PDE1A: variants seen among roughly 807,000 people sequenced by gnomAD.
The protein encoded by PDE1A is phosphodiesterase 1A, also known as dual specificity calcium/calmodulin-dependent 3',5'-cyclic nucleotide phosphodiesterase 1A.
In PDE1A, 35 loss-of-function variants were observed where a neutral mutation model predicts 61.7. The ratio of observed to expected loss-of-function variants is 0.57; its 90% CI spans 0.43 to 0.75. PDE1A has a LOEUF of 0.75. PDE1A is among the 30% of genes least tolerant of loss of function. The pLI, the probability that PDE1A is intolerant of heterozygous loss-of-function variation, is 0.00. For synonymous variants in PDE1A, 232 were observed against 213.2 expected, an observed-to-expected ratio of 1.09 and a Z score of -0.77; for missense variants, 597 against 630.6, an observed-to-expected ratio of 0.95 and a Z score of 0.57.
intron 2 of PDE1A, among the ~76,000 whole-genome samples, chr2:182,505,713 T>C (rs904032693): frequency 1.3e-5 from 2 of 152,176 alleles, no homozygotes; most frequent in Non-Finnish European, 2.9e-5. Flanking sequence ...CATAAGCCCT[T>C]TCTAAGCCTT....
the PDE1A span, among the ~76,000 whole-genome samples, chr2:182,559,709 T>A: frequency 6.6e-6 from 1 of 152,078 alleles, no homozygotes; most frequent in Non-Finnish European, 1.5e-5. Context: ...TCAAATAGCA[T>A]CAAACTGAAA....
At chr2:182,439,384 T>A (rs537665671) in intron 2 of PDE1A, among the ~76,000 whole-genome samples, 12 of 152,044 alleles carry the variant, frequency 7.9e-5, no homozygotes, top group Non-Finnish European at 1.3e-4. Flanking sequence ...AGAGAACATT[T>A]AGATTACAGA....
chr2:182,425,422 G>T (rs975572804), intron 1 of PDE1A, among the ~76,000 whole-genome samples: 1 of 152,040 alleles, frequency 6.6e-6, no homozygotes, highest in Non-Finnish European at 1.5e-5. Flanking sequence ...CATTGCATAA[G>T]ACACAAAAAC....
the PDE1A span, among the ~76,000 whole-genome samples, chr2:182,706,239 G>A: frequency 6.6e-6 from 1 of 152,140 alleles, no homozygotes; most frequent in Admixed American, 6.5e-5. Context: ...CTCCTTTAGG[G>A]ACAGAGAATG....
At chr2:182,604,874 T>C in the PDE1A span, among the ~76,000 whole-genome samples, 1 of 152,162 alleles carries the variant, frequency 6.6e-6, no homozygotes, top group African/African-American at 2.4e-5. Flanking sequence ...TTTAGTATTA[T>C]ACGTCAGGTA....
chr2:182,618,802 C>T, the PDE1A span, among the ~76,000 whole-genome samples: 1 of 152,048 alleles, frequency 6.6e-6, no homozygotes, highest in Non-Finnish European at 1.5e-5. Context: ...AGACTTTTAT[C>T]TTTATGTTCC....
intron 13 of PDE1A, among the ~76,000 whole-genome samples, chr2:182,184,055 A>AAAGAAAGG (rs1473528088): frequency 2.7e-5 from 4 of 149,302 alleles, no homozygotes; most frequent in Admixed American, 2.7e-4. Context: ...AGAAAGAAAG[A>AAAGAAAGG]ACAATTAAAG....
chr2:182,234,166 AAAATT>A (rs1689814008), intron 4 of PDE1A, among the ~76,000 whole-genome samples: 1 of 152,210 alleles, frequency 6.6e-6, no homozygotes, highest in African/African-American at 2.4e-5. Flanking sequence ...CCACATAAAT[AAAATT>A]AAGAAAAAAA....
At chr2:182,557,894 G>A in the PDE1A span, among the ~76,000 whole-genome samples, 1 of 152,074 alleles carries the variant, frequency 6.6e-6, no homozygotes, top group South Asian at 2.1e-4. Context: ...ACTGAAAGTA[G>A]CTGGCAGCTA....
chr2:182,525,200 A>G (rs1006872283), upstream of PDE1A, among the ~76,000 whole-genome samples: 2 of 152,176 alleles, frequency 1.3e-5, no homozygotes, highest in African/African-American at 2.4e-5. Context: ...TAATTGCTTA[A>G]TAATTATTAG....
intron 1 of PDE1A, among the ~76,000 whole-genome samples, chr2:182,274,434 CA>C (rs756868821): frequency 4.2e-4 from 64 of 151,962 alleles, no homozygotes; most frequent in Non-Finnish European, 7.9e-4. Context: ...TATCTAAAAA[CA>C]GAAATATTTC....
In PDE1A at chr2:182,516,487, C is replaced by T. The variant is rs532411090; in HGVS notation, c.101+5789G>A. Among the ~76,000 whole-genome samples the T allele has an allele frequency of 3.9e-5, 6 of 151,924 alleles. No individual in the cohort carries two copies. In the East Asian group the frequency reaches 1.2e-3, roughly 30 times the overall value. On this transcript the variant is annotated intron_variant, in intron 2 of 14. Transcript: ENST00000410103. ...GCAACATGGCAAAAACCCATCTCTACTAGATCTATAAAAAAATTAGCCAGG... is the reference window on the plus strand; with the variant it reads ...GCAACATGGCAAAAACCCATCTCTATTAGATCTATAAAAAAATTAGCCAGG...
chr2:182,636,638 T>C, the PDE1A span, among the ~76,000 whole-genome samples: 1 of 152,204 alleles, frequency 6.6e-6, no homozygotes, highest in African/African-American at 2.4e-5. Context: ...CTTTCTCCCA[T>C]GTATTATAAT....
At chr2:182,356,713 G>A (rs1224013141) in intron 1 of PDE1A, among the ~76,000 whole-genome samples, 2 of 152,066 alleles carry the variant, frequency 1.3e-5, no homozygotes, top group East Asian at 1.9e-4. Context: ...CAGCCTGAAC[G>A]ATAGAGTGAG....
chr2:182,206,033 G>A, exon 8 of PDE1A: 1 of 1,611,090 alleles, frequency 6.2e-7, no homozygotes, highest in Non-Finnish European at 8.5e-7. Context: ...CTCAAGGACA[G>A]AGCGATCATT....
Position 182,464,529 on chromosome 2 carries a change from A to G in PDE1A, c.101+57747T>C, listed in dbSNP as rs564506195. 1.3e-3 allele frequency among the ~76,000 whole-genome samples: 202 copies of G among 152,286 alleles called. 1 individual carries two copies. Among genetic ancestry groups the G allele is most frequent in the African/African-American group, 4.6e-3 (193 of 41,572 alleles). Reference sequence around the variant, plus strand: ...GACTATGCATCAACCTCTTATTTCTATTCTATAGCTGATTTATTTTCTTTG... The same window carrying G: ...GACTATGCATCAACCTCTTATTTCTGTTCTATAGCTGATTTATTTTCTTTG... On this transcript the variant is annotated intron_variant, in intron 2 of 14. Coordinates refer to the PDE1A transcript ENST00000410103.
At chr2:182,593,682 T>C in the PDE1A span, among the ~76,000 whole-genome samples, 3 of 152,218 alleles carry the variant, frequency 2.0e-5, no homozygotes, top group Non-Finnish European at 4.4e-5. Context: ...ACCCCTTACA[T>C]GTTACATGAA....
intron 1 of PDE1A, among the ~76,000 whole-genome samples, chr2:182,421,013 G>A (rs1232794119): frequency 2.6e-5 from 4 of 152,106 alleles, no homozygotes; most frequent in African/African-American, 9.7e-5. Context: ...AAATACTGCA[G>A]ACTTCTTTAA....
chr2:182,501,476 A>T (rs1689078195), intron 2 of PDE1A, among the ~76,000 whole-genome samples: 1 of 152,208 alleles, frequency 6.6e-6, no homozygotes, highest in African/African-American at 2.4e-5. Flanking sequence ...AGGAATAGCC[A>T]TGCTTTCAAA....
Sources: gnomAD v4.1 joint callset for allele counts (sites outside exome capture counted in the v4.1 genomes callset) on GRCh38, gnomAD v4.1.1 for gene constraint, MANE v1.5 for transcripts, NCBI Gene and HGNC (gene_info 2026-07-23, HGNC 2026-07-21) for gene names.